The following TRAPPC3 variants were observed in gnomAD, a reference collection of about 807,000 sequenced individuals.
TRAPPC3 encodes trafficking protein particle complex subunit 3.
Under a neutral mutation model 18.2 loss-of-function variants are expected in TRAPPC3, and 5 were observed. The ratio of observed to expected loss-of-function variants is 0.28; its 90% CI spans 0.14 to 0.58. The LOEUF is 0.58. TRAPPC3 is among the 20% of genes least tolerant of loss of function. The pLI is 0.91. For synonymous variants in TRAPPC3, 65 were observed against 84.2 expected, an observed-to-expected ratio of 0.77 and a Z score of 1.25; for missense variants, 176 against 225.9, an observed-to-expected ratio of 0.78 and a Z score of 1.41.
intron 1 of TRAPPC3, among the ~76,000 whole-genome samples, chr1:36,154,569 C>G (rs966183792): frequency 2.0e-5 from 3 of 152,076 alleles, no homozygotes; most frequent in South Asian, 2.1e-4. Flanking sequence ...TCCCCGCAGT[C>G]CCCCCACCCT....
At chr1:36,139,045 G>GA (rs1644066998) in intron 3 of TRAPPC3, among the ~76,000 whole-genome samples, 1 of 73,896 alleles carries the variant, frequency 1.4e-5, no homozygotes, top group African/African-American at 5.3e-5. Flanking sequence ...TCAAAAAAAA[G>GA]AAAAAAAGAA....
chr1:36,145,135 C>T (rs1164766306), intron 1 of TRAPPC3, among the ~76,000 whole-genome samples: 2 of 152,096 alleles, frequency 1.3e-5, no homozygotes, highest in Non-Finnish European at 1.5e-5. Context: ...CATTCTCCTG[C>T]CTTGGCCTCC....
chr1:36,138,529 C>T (rs1177914611), intron 3 of TRAPPC3, among the ~76,000 whole-genome samples: 1 of 152,184 alleles, frequency 6.6e-6, no homozygotes, highest in African/African-American at 2.4e-5. Flanking sequence ...GAAAGACCAA[C>T]TTTTAAGTAA....
intron 1 of TRAPPC3, among the ~76,000 whole-genome samples, chr1:36,142,963 TCAAGC>T: frequency 6.6e-6 from 1 of 152,256 alleles, no homozygotes; most frequent in Non-Finnish European, 1.5e-5. Flanking sequence ...GCCTGGGATG[TCAAGC>T]CTGCAGTGAA....
chr1:36,147,723 G>A (rs1644222511), intron 1 of TRAPPC3, among the ~76,000 whole-genome samples: 1 of 152,146 alleles, frequency 6.6e-6, no homozygotes, highest in Admixed American at 6.5e-5. Context: ...TCTCAAAGGA[G>A]GTGACATTTG....
At position 36,139,708 on chromosome 1, in the gene TRAPPC3, C is replaced by T. The variant is rs759959595; in HGVS notation, c.240+12G>A. On this transcript the variant is annotated intron_variant, in intron 3 of 4. Coordinates refer to ENST00000373166, the MANE Select transcript of TRAPPC3 (RefSeq NM_014408.5). ...AATTCTTCAGCATGGACAGGTGGCC[C>T]AGAATAATGACCTTGGCAATGACAT... 6.2e-7 allele frequency: 1 copy of T among 1,613,998 alleles called. No individual in the cohort carries two copies. Among genetic ancestry groups the T allele is most frequent in the South Asian group, 1.1e-5 (1 of 91,068 alleles).
upstream of TRAPPC3, among the ~76,000 whole-genome samples, chr1:36,153,900 T>C (rs559115963): frequency 6.6e-6 from 1 of 152,344 alleles, no homozygotes; most frequent in African/African-American, 2.4e-5. Flanking sequence ...CCCATGCTTG[T>C]TTCCAAGCAT....
At chr1:36,139,547 G>A in intron 3 of TRAPPC3, 173 bp downstream of exon 3, 2 of 798,040 alleles carry the variant, frequency 2.5e-6, no homozygotes, top group Non-Finnish European at 3.8e-6. Context: ...AATCCACAGG[G>A]ATTAAATAAT....
At chr1:36,139,679 C>G (rs758244375) in intron 3 of TRAPPC3, 41 bp downstream of exon 3, 11 of 1,611,990 alleles carry the variant, frequency 6.8e-6, no homozygotes, top group Non-Finnish European at 8.5e-6. Context: ...TGCCTCTCAG[C>G]AGCAATTCTT....
intron 1 of TRAPPC3, among the ~76,000 whole-genome samples, chr1:36,148,820 T>C (rs986138126): frequency 2.0e-5 from 3 of 152,132 alleles, no homozygotes; most frequent in Admixed American, 1.3e-4. Context: ...TCTCTCACAA[T>C]ACCCACGCCA....
At chr1:36,150,620 G>C (rs1004109026), upstream of TRAPPC3, among the ~76,000 whole-genome samples, 1 of 152,202 alleles carries the variant, frequency 6.6e-6, no homozygotes, top group Non-Finnish European at 1.5e-5. Context: ...CTGCAAGCTG[G>C]TGCCCAGGGT....
upstream of TRAPPC3, chr1:36,149,604 C>T (rs1308890941): frequency 3.1e-5 from 19 of 608,606 alleles, no homozygotes; most frequent in Non-Finnish European, 5.3e-5. Flanking sequence ...CCTTTGGCAG[C>T]ACCGCCTCTT....
intron 3 of TRAPPC3, 73 bp downstream of exon 3, chr1:36,139,645 GGA>G: frequency 6.3e-7 from 1 of 1,589,018 alleles, no homozygotes; most frequent in South Asian, 1.1e-5. Flanking sequence ...CCTCTCTAAG[GGA>G]GATAGAAAGA....
chr1:36,145,246 G>T (rs2124162426), intron 1 of TRAPPC3, among the ~76,000 whole-genome samples: 1 of 151,578 alleles, frequency 6.6e-6, no homozygotes, highest in Middle Eastern at 3.4e-3. Context: ...AGCCAGGATG[G>T]TCTCCATCTC....
At chr1:36,141,417 C>G (rs2052707642) in intron 1 of TRAPPC3, among the ~76,000 whole-genome samples, 1 of 152,192 alleles carries the variant, frequency 6.6e-6, no homozygotes, top group African/African-American at 2.4e-5. Flanking sequence ...TTCCTCTCTT[C>G]AAGTTTTCTG....
chr1:36,143,847 A>G (rs2124157724), intron 1 of TRAPPC3, among the ~76,000 whole-genome samples: 1 of 152,332 alleles, frequency 6.6e-6, no homozygotes, highest in East Asian at 1.9e-4. Context: ...CCATCTGTAA[A>G]ATGGTGACAA....
chr1:36,138,321 T>A, intron 3 of TRAPPC3: 1 of 1,474,714 alleles, frequency 6.8e-7, no homozygotes. Context: ...ACACGGTGGC[T>A]GCCTGAGTGC....
At chr1:36,137,484 A>G (rs1170867361) in intron 4 of TRAPPC3, 162 bp from the exon 5 acceptor site, 16 of 714,828 alleles carry the variant, frequency 2.2e-5, no homozygotes, top group Non-Finnish European at 3.2e-5. Context: ...GCATAAGACA[A>G]TGGCTCCAAC....
chr1:36,145,800 G>GA (rs1644185866), intron 1 of TRAPPC3, among the ~76,000 whole-genome samples: 1 of 152,186 alleles, frequency 6.6e-6, no homozygotes, highest in Non-Finnish European at 1.5e-5. Context: ...TTGAGACAGA[G>GA]TCTCGCACTG....
Sources: gnomAD v4.1 joint callset for allele counts (sites outside exome capture counted in the v4.1 genomes callset) on GRCh38, gnomAD v4.1.1 for gene constraint, MANE v1.5 for transcripts, NCBI Gene and HGNC (gene_info 2026-07-23, HGNC 2026-07-21) for gene names.